DLC1: variants seen among roughly 807,000 people sequenced by gnomAD.
DLC1 encodes the protein rho GTPase-activating protein 7.
A neutral mutation model predicts 140.3 loss-of-function variants in DLC1; 54 were observed. That is an observed-to-expected ratio of 0.38 (90% CI 0.31 to 0.48). The LOEUF (loss-of-function observed/expected upper bound fraction) is 0.48. Ranked by LOEUF, DLC1 falls within the 20% of genes least tolerant of loss-of-function variation. The pLI, the probability that DLC1 is intolerant of heterozygous loss-of-function variation, is 0.96. For synonymous variants in DLC1, 986 were observed against 728.1 expected, an observed-to-expected ratio of 1.35 and a Z score of -5.70; for missense variants, 2,536 against 1,907.0, an observed-to-expected ratio of 1.33 and a Z score of -6.14.
At chr8:13,297,282 T>TAAAAAAAAAAAAAAAAAAAAA (rs60048506) in intron 5 of DLC1, among the ~76,000 whole-genome samples, 101 of 9,624 alleles carry the variant, frequency 0.01, 35 homozygotes, top group East Asian at 0.062. Flanking sequence ...CTTCATACAT[T>TAAAAAAAAAAAAAAAAAAAAA]AAAAAAAAAA....
chr8:13,358,124 C>G (rs939623483), intron 4 of DLC1, among the ~76,000 whole-genome samples: 1 of 152,080 alleles, frequency 6.6e-6, no homozygotes, highest in Admixed American at 6.6e-5. Context: ...TGCTTTATAA[C>G]AAATATTTTC....
intron 4 of DLC1, among the ~76,000 whole-genome samples, chr8:13,354,583 CA>C (rs890401844): frequency 6.6e-6 from 1 of 152,114 alleles, no homozygotes; most frequent in African/African-American, 2.4e-5. Flanking sequence ...CTCATTAGCA[CA>C]TTTCACTTTT....
rs542202515 is a variant in DLC1, at chr8:13,333,643, C to A, written c.1315-28341G>T. Reference sequence around the variant, plus strand: ...TCCTGCTTGTAACAGAACTACCCTTCATGTGTTCTCACCCGCCCCCTTATT... The same window carrying A: ...TCCTGCTTGTAACAGAACTACCCTTAATGTGTTCTCACCCGCCCCCTTATT... On this transcript the variant is annotated intron_variant, in intron 4 of 17. Transcript: ENST00000276297. Among the ~76,000 whole-genome samples the A allele has an allele frequency of 3.0e-4, 46 of 152,292 alleles. 1 individual carries two copies. Among genetic ancestry groups the A allele is most frequent in the African/African-American group, 1.1e-3 (45 of 41,574 alleles).
chr8:13,426,518 C>CCT, intron 2 of DLC1, among the ~76,000 whole-genome samples: 1 of 152,236 alleles, frequency 6.6e-6, no homozygotes, highest in East Asian at 1.9e-4. Flanking sequence ...TTCAAATGAA[C>CCT]CTCAGTTTTA....
intron 4 of DLC1, chr8:13,339,362 G>C (rs932770707): frequency 6.6e-6 from 1 of 152,210 alleles, no homozygotes; most frequent in African/African-American, 2.4e-5. Context: ...GCAATTAGCA[G>C]GGTGCCAGGC....
chr8:13,342,792 T>TTC (rs1273506068), intron 4 of DLC1: 5 of 151,308 alleles, frequency 3.3e-5, no homozygotes, highest in Admixed American at 2.6e-4. Context: ...TCGGTTCTGT[T>TTC]TCTCTCTCTC....
chr8:13,114,534 T>G (rs1208432384), intron 6 of DLC1, among the ~76,000 whole-genome samples: 1 of 152,082 alleles, frequency 6.6e-6, no homozygotes, highest in Admixed American at 6.6e-5. Context: ...TTTTTTTTTT[T>G]GAACCATTTT....
intron 1 of DLC1, among the ~76,000 whole-genome samples, chr8:13,574,890 G>A (rs1177710304): frequency 6.6e-6 from 1 of 152,134 alleles, no homozygotes; most frequent in Non-Finnish European, 1.5e-5. Flanking sequence ...TCATGATGAA[G>A]CCTAGTATAA....
intron 5 of DLC1, among the ~76,000 whole-genome samples, chr8:13,145,264 AG>A (rs199692970): frequency 0.025 from 3,781 of 152,244 alleles, 149 homozygotes; most frequent in African/African-American, 0.087. Context: ...GTTCAGAAAA[AG>A]CACAAAAGAA....
intron 1 of DLC1, among the ~76,000 whole-genome samples, chr8:13,600,901 T>C (rs1805853503): frequency 1.3e-5 from 2 of 151,910 alleles, no homozygotes; most frequent in Admixed American, 6.6e-5. Flanking sequence ...AAATGGCATA[T>C]ACTTATTTTA....
intron 5 of DLC1, among the ~76,000 whole-genome samples, chr8:13,303,715 T>C (rs1418039039): frequency 6.6e-6 from 1 of 152,094 alleles, no homozygotes; most frequent in Non-Finnish European, 1.5e-5. Context: ...GGCAGGAGAA[T>C]GGCTTGAATC....
intron 5 of DLC1, among the ~76,000 whole-genome samples, chr8:13,141,885 C>G (rs1041809577): frequency 1.3e-5 from 2 of 152,262 alleles, no homozygotes; most frequent in East Asian, 1.9e-4. Flanking sequence ...AAAAATAGAC[C>G]TAGCAACAAG....
chr8:13,453,422 A>ATATTTTTTTTTTTTTTTTTTTT (rs1554523043), intron 2 of DLC1, among the ~76,000 whole-genome samples: 5 of 32,572 alleles, frequency 1.5e-4, no homozygotes, highest in African/African-American at 8.0e-4. Context: ...ATATATATAT[A>ATATTTTTTTTTTTTTTTTTTTT]TGTGTATATA....
intron 5 of DLC1, among the ~76,000 whole-genome samples, chr8:13,140,400 C>T (rs904686245): frequency 4.6e-5 from 7 of 151,888 alleles, no homozygotes; most frequent in African/African-American, 9.7e-5. Flanking sequence ...GCCTGGCTAA[C>T]GTTTGTATTA....
intron 2 of DLC1, among the ~76,000 whole-genome samples, chr8:13,452,227 G>T (rs879359073): frequency 2.4e-4 from 37 of 151,072 alleles, no homozygotes; most frequent in Non-Finnish European, 3.8e-4. Context: ...TTATGAATAT[G>T]CATTAAAATA....
At chr8:13,479,400 A>G (rs1420183645) in intron 2 of DLC1, among the ~76,000 whole-genome samples, 1 of 152,204 alleles carries the variant, frequency 6.6e-6, no homozygotes. Context: ...GGAAGTTAAG[A>G]GACATAGATA....
chr8:13,216,502 G>A (rs148338443), intron 5 of DLC1, among the ~76,000 whole-genome samples: 26 of 152,158 alleles, frequency 1.7e-4, no homozygotes, highest in African/African-American at 5.3e-4. Flanking sequence ...CTCCCCAACT[G>A]GCAGCACTCT....
chr8:13,567,174 T>C (rs1804468945), intron 1 of DLC1: 3 of 1,551,716 alleles, frequency 1.9e-6, no homozygotes, highest in Non-Finnish European at 2.6e-6. Context: ...AAAAGCAGAC[T>C]CCAAGCTTGG....
intron 4 of DLC1, among the ~76,000 whole-genome samples, chr8:13,354,174 A>G (rs532259677): frequency 1.3e-5 from 2 of 152,174 alleles, no homozygotes; most frequent in East Asian, 3.9e-4. Flanking sequence ...CATAGTTGCT[A>G]AGATCTTACA....
Sources: allele counts gnomAD v4.1 joint callset (sites outside exome capture counted in the v4.1 genomes callset), GRCh38; gene constraint gnomAD v4.1.1; transcripts MANE v1.5; gene names NCBI Gene and HGNC (gene_info 2026-07-23, HGNC 2026-07-21).